The following NAT1 variants were observed in gnomAD, a reference collection of about 807,000 sequenced individuals.
NAT1 encodes arylamine N-acetyltransferase 1.
For synonymous variants in NAT1, 144 were observed against 122.6 expected (o/e 1.17, Z -1.16); for missense variants, 400 against 339.2 (o/e 1.18, Z -1.41).
At chr8:18,176,887 A>G (rs1042590365) in intron 2 of NAT1, among the ~76,000 whole-genome samples, 2 of 151,930 alleles carry the variant, frequency 1.3e-5, no homozygotes, top group African/African-American at 4.8e-5. Context: ...GTCATCTTCA[A>G]TTTCTTTAAT....
intron 1 of NAT1, among the ~76,000 whole-genome samples, chr8:18,214,700 A>C (rs1804455561): frequency 6.6e-6 from 1 of 152,106 alleles, no homozygotes; most frequent in African/African-American, 2.4e-5. Context: ...ATTTTTCTTA[A>C]CTTTTAAATC....
chr8:18,221,325 TTTA>T (rs1473870719), intron 2 of NAT1, among the ~76,000 whole-genome samples: 1 of 151,602 alleles, frequency 6.6e-6, no homozygotes, highest in Non-Finnish European at 1.5e-5. Context: ...TTTTTTTTTT[TTTA>T]AACCAACTAA....
At chr8:18,177,192 GA>G (rs1802327589) in intron 2 of NAT1, among the ~76,000 whole-genome samples, 1 of 151,910 alleles carries the variant, frequency 6.6e-6, no homozygotes, top group African/African-American at 2.4e-5. Flanking sequence ...TCTTCCCAAT[GA>G]AAAAGAATTA....
At chr8:18,187,340 T>A (rs1171207112) in intron 2 of NAT1, among the ~76,000 whole-genome samples, 1 of 152,142 alleles carries the variant, frequency 6.6e-6, no homozygotes, top group Non-Finnish European at 1.5e-5. Flanking sequence ...AGCAATCCCA[T>A]TACTGGGTAT....
intron 2 of NAT1, among the ~76,000 whole-genome samples, chr8:18,203,830 G>T (rs113457611): frequency 6.6e-6 from 1 of 152,120 alleles, no homozygotes; most frequent in African/African-American, 2.4e-5. Flanking sequence ...GCCCCAAATC[G>T]TTTTCTAACA....
At chr8:18,183,397 C>CATTA (rs1802601375) in intron 2 of NAT1, among the ~76,000 whole-genome samples, 1 of 152,180 alleles carries the variant, frequency 6.6e-6, no homozygotes, top group South Asian at 2.1e-4. Context: ...ATATAAAATA[C>CATTA]ATTAATTCTT....
intron 2 of NAT1, among the ~76,000 whole-genome samples, chr8:18,176,116 C>G (rs1421875044): frequency 6.6e-6 from 1 of 151,974 alleles, no homozygotes; most frequent in Non-Finnish European, 1.5e-5. Context: ...AGTTGCTTAT[C>G]AGATGTATGG....
At chr8:18,218,852 T>C (rs986646468) in intron 1 of NAT1, among the ~76,000 whole-genome samples, 2 of 152,152 alleles carry the variant, frequency 1.3e-5, no homozygotes, top group African/African-American at 2.4e-5. Flanking sequence ...CTCAGTTTTC[T>C]TTAGTGGAGG....
rs563349915 is a variant in NAT1, at chr8:18,223,342, C to A, written c.*422C>A. 1 of 167,164 alleles carries A rather than the reference C, an allele frequency of 6.0e-6. No individual in the cohort carries two copies. The highest frequency in any genetic ancestry group is 1.9e-4 in the East Asian group (1 of 5,196). The allele number at this position is 167,164 out of a possible 1,614,324, so 10.4% of individuals were successfully genotyped here. ...TGAAAAAAAGTGGTTTTTTGGAAGA[C>A]TTAGGATATTATGGTGCTACATAAT... On this transcript the variant is annotated 3_prime_UTR_variant, in exon 3 of 3. Coordinates refer to ENST00000307719, the MANE Select transcript of NAT1 (RefSeq NM_000662.8).
chr8:18,181,245 A>C (rs1049774623), intron 2 of NAT1, among the ~76,000 whole-genome samples: 1 of 152,188 alleles, frequency 6.6e-6, no homozygotes, highest in Non-Finnish European at 1.5e-5. Flanking sequence ...CTAAAAATTT[A>C]AAAAGTAGCT....
At chr8:18,197,662 A>G (rs923252911) in intron 2 of NAT1, among the ~76,000 whole-genome samples, 7 of 152,204 alleles carry the variant, frequency 4.6e-5, no homozygotes, top group Non-Finnish European at 8.8e-5. Flanking sequence ...GGTTTGTCTA[A>G]ACAGCATCCT....
At position 18,170,676 on chromosome 8, in the gene NAT1, C is replaced by T. The variant is rs28383654; in HGVS notation, n.32-3C>T. ...TAATTTAACTTGGACTTTTCTTTAACAGATTGACCCAGTCGACAGGATCTG... is the reference window on the plus strand; with the variant it reads ...TAATTTAACTTGGACTTTTCTTTAATAGATTGACCCAGTCGACAGGATCTG... On this transcript the variant is annotated splice_region_variant and splice_polypyrimidine_tract_variant and intron_variant and non_coding_transcript_variant, in intron 1 of 4. Transcript: ENST00000517441. 0.043 allele frequency: 6,564 copies of T among 152,234 alleles called. 174 individuals are homozygous for T. Among genetic ancestry groups the T allele is most frequent in the East Asian group, 0.088 (456 of 5,170 alleles). The allele number at this position is 152,234 out of a possible 1,614,324, so 9.4% of individuals were successfully genotyped here. A position where few individuals can be genotyped will look rare whatever the true frequency, so the allele number is the denominator to read the frequency against.
At chr8:18,220,049 T>C (rs1805123246) in intron 2 of NAT1, among the ~76,000 whole-genome samples, 1 of 152,236 alleles carries the variant, frequency 6.6e-6, no homozygotes, top group South Asian at 2.1e-4. Context: ...CTTCGTCCTT[T>C]TAGATCGGCT....
At chr8:18,180,209 A>T (rs1802457615) in intron 2 of NAT1, among the ~76,000 whole-genome samples, 1 of 152,116 alleles carries the variant, frequency 6.6e-6, no homozygotes, top group South Asian at 2.1e-4. Context: ...TGATGAGTGG[A>T]CTTGATTCTG....
At chr8:18,216,169 G>C (rs1804641893) in intron 1 of NAT1, among the ~76,000 whole-genome samples, 2 of 152,154 alleles carry the variant, frequency 1.3e-5, no homozygotes, top group African/African-American at 4.8e-5. Flanking sequence ...TTTAGCTGTG[G>C]TTTCAGCCAG....
In NAT1 at chr8:18,222,996, C is replaced by G. The variant is rs148795488; in HGVS notation, c.*76C>G. The G allele has an allele frequency of 1.6e-6, 2 of 1,214,934 alleles. No individual in the cohort carries two copies. Among genetic ancestry groups the G allele is most frequent in the African/African-American group, 3.1e-5 (2 of 64,514 alleles). 75.3% of individuals were successfully genotyped at this position (1,214,934 alleles called of 1,614,324 possible). A position where few individuals can be genotyped will look rare whatever the true frequency, so the allele number is the denominator to read the frequency against. ...CAACTGACGACCTATCATGTATCTTCTGTACCCTTACCTTATTTTGAAGAA... is the reference window on the plus strand; with the variant it reads ...CAACTGACGACCTATCATGTATCTTGTGTACCCTTACCTTATTTTGAAGAA... On this transcript the variant is annotated 3_prime_UTR_variant, in exon 3 of 3. Coordinates refer to ENST00000307719, the MANE Select transcript of NAT1 (RefSeq NM_000662.8).
chr8:18,174,731 G>A (rs948719086), intron 2 of NAT1, among the ~76,000 whole-genome samples: 1 of 152,000 alleles, frequency 6.6e-6, no homozygotes, highest in Non-Finnish European at 1.5e-5. Context: ...ATCACGTAAG[G>A]AGTCGGGAAA....
chr8:18,187,202 C>G (rs10099426), intron 2 of NAT1, among the ~76,000 whole-genome samples: 20,734 of 152,120 alleles, frequency 0.14, 4,149 homozygotes, highest in African/African-American at 0.44. Flanking sequence ...AAAAATAACA[C>G]ATGCTGGCGA....
Position 18,187,862 on chromosome 8 carries a change from C to T in NAT1, n.92+17123C>T, listed in dbSNP as rs143339810. Among the ~76,000 whole-genome samples, 778 of 151,656 alleles carry T rather than the reference C, an allele frequency of 5.1e-3. 11 individuals carry two copies. The highest frequency in any genetic ancestry group is 0.018 in the African/African-American group (741 of 41,364). ...TATGCCCCGGAACCTAAAAGTTTAA[C>T]AGATCCTGAAAGAAACTGCTACTTT... On this transcript the variant is annotated intron_variant and non_coding_transcript_variant, in intron 2 of 4. Coordinates refer to the NAT1 transcript ENST00000517441.
Sources: gnomAD v4.1 joint callset for allele counts (sites outside exome capture counted in the v4.1 genomes callset) on GRCh38, gnomAD v4.1.1 for gene constraint, MANE v1.5 for transcripts, NCBI Gene and HGNC (gene_info 2026-07-23, HGNC 2026-07-21) for gene names.